DCDC2: variants seen among roughly 807,000 people sequenced by gnomAD.
DCDC2 encodes the protein doublecortin domain containing 2.
A neutral mutation model predicts 50.2 loss-of-function variants in DCDC2; 40 were observed. The ratio of observed to expected loss-of-function variants is 0.80; its 90% CI spans 0.62 to 1.04. DCDC2 has a LOEUF of 1.04. DCDC2 is among the 50% of genes least tolerant of loss of function. The pLI, the probability that DCDC2 is intolerant of heterozygous loss-of-function variation, is 0.00. For missense variants in DCDC2, 570 were observed against 581.9 expected (o/e 0.98, Z 0.21); for synonymous variants, 234 against 210.6 (o/e 1.11, Z -0.96).
chr6:24,251,603 G>A (rs1762795486), intron 7 of DCDC2, among the ~76,000 whole-genome samples: 1 of 152,076 alleles, frequency 6.6e-6, no homozygotes, highest in Non-Finnish European at 1.5e-5. Context: ...CTGCACCATG[G>A]CTTCAGCTCT....
At chr6:24,265,522 AG>A (rs1763099896) in intron 7 of DCDC2, among the ~76,000 whole-genome samples, 1 of 151,088 alleles carries the variant, frequency 6.6e-6, no homozygotes, top group Non-Finnish European at 1.5e-5. Flanking sequence ...TCACAAAACA[AG>A]TTTTAAAAAA....
At chr6:24,288,965 C>G in intron 5 of DCDC2, 59 bp from the exon 6 acceptor site, 2 of 1,315,490 alleles carry the variant, frequency 1.5e-6, no homozygotes, top group South Asian at 1.4e-5. Flanking sequence ...ATGTACAATG[C>G]AAGATAATTA....
At chr6:24,213,323 A>C (rs1761912329) in intron 7 of DCDC2, among the ~76,000 whole-genome samples, 1 of 152,198 alleles carries the variant, frequency 6.6e-6, no homozygotes, top group African/African-American at 2.4e-5. Context: ...ACTGCCTATC[A>C]TAATAAAAAT....
At chr6:24,184,533 T>C (rs954763778) in intron 8 of DCDC2, among the ~76,000 whole-genome samples, 1 of 151,502 alleles carries the variant, frequency 6.6e-6, no homozygotes, top group Non-Finnish European at 1.5e-5. Context: ...ATTGCACCAC[T>C]GCACTCCAGC....
At position 24,302,190 on chromosome 6, in the gene DCDC2, A is replaced by C; in HGVS notation, c.349-146T>G. On this transcript the variant is annotated intron_variant, in intron 2 of 9. Transcript: ENST00000378454. ...CTTGCTTTTCTCAGCATTTCTGTAA[A>C]CTCTGAGCTCACCCTTTAGCAATAT... 4.6e-6 allele frequency: 3 copies of C among 656,024 alleles called. 1 individual carries two copies. In the South Asian group the frequency reaches 6.5e-5, roughly 14 times the overall value. The allele number at this position is 656,024 out of a possible 1,614,324, so 40.6% of individuals were successfully genotyped here.
intron 7 of DCDC2, among the ~76,000 whole-genome samples, chr6:24,206,390 G>A (rs111570952): frequency 1.1e-4 from 16 of 152,044 alleles, no homozygotes; most frequent in African/African-American, 3.6e-4. Context: ...AGGAAGGAAG[G>A]AAACAGGAAG....
intron 7 of DCDC2, among the ~76,000 whole-genome samples, chr6:24,257,417 G>C (rs917269381): frequency 2.0e-5 from 3 of 152,256 alleles, no homozygotes; most frequent in Middle Eastern, 3.4e-3. Flanking sequence ...CACCAGTGGA[G>C]AGAAAGGGCA....
intron 8 of DCDC2, among the ~76,000 whole-genome samples, chr6:24,180,617 G>A (rs1372731635): frequency 1.3e-5 from 2 of 151,952 alleles, no homozygotes; most frequent in Non-Finnish European, 2.9e-5. Flanking sequence ...AGGGTAGAAT[G>A]ATTTATTTGG....
chr6:24,288,715 T>C (rs761667157), intron 6 of DCDC2, 137 bp downstream of exon 6: 3 of 717,458 alleles, frequency 4.2e-6, no homozygotes, highest in Non-Finnish European at 7.3e-6. Flanking sequence ...AAAGTTCTAG[T>C]GCTGTTTCAC....
At chr6:24,181,789 T>C (rs1195910090) in intron 8 of DCDC2, among the ~76,000 whole-genome samples, 1 of 152,230 alleles carries the variant, frequency 6.6e-6, no homozygotes, top group African/African-American at 2.4e-5. Context: ...CAATCCCTGT[T>C]GTTTTTTACG....
At chr6:24,189,482 C>T (rs1024973419) in intron 8 of DCDC2, among the ~76,000 whole-genome samples, 2 of 152,118 alleles carry the variant, frequency 1.3e-5, no homozygotes, top group African/African-American at 4.8e-5. Flanking sequence ...CTGACAGTAA[C>T]AGCAGCAACA....
chr6:24,198,758 G>A (rs1761507013), intron 8 of DCDC2, among the ~76,000 whole-genome samples: 1 of 152,198 alleles, frequency 6.6e-6, no homozygotes, highest in African/African-American at 2.4e-5. Context: ...AGATCTACTG[G>A]CTTGAAATTC....
intron 6 of DCDC2, among the ~76,000 whole-genome samples, chr6:24,282,623 A>C (rs1202266884): frequency 6.6e-6 from 1 of 152,150 alleles, no homozygotes; most frequent in African/African-American, 2.4e-5. Flanking sequence ...CATTAGCATA[A>C]AAACTCATTT....
At chr6:24,190,949 C>T (rs1405534272) in intron 8 of DCDC2, among the ~76,000 whole-genome samples, 1 of 152,160 alleles carries the variant, frequency 6.6e-6, no homozygotes, top group African/African-American at 2.4e-5. Context: ...CACTTCTCTT[C>T]TTTAAGATGT....
At chr6:24,194,195 G>A (rs1581578972) in intron 8 of DCDC2, among the ~76,000 whole-genome samples, 1 of 151,966 alleles carries the variant, frequency 6.6e-6, no homozygotes, top group South Asian at 2.1e-4. Flanking sequence ...GTGGCAAATG[G>A]CTGCTATTTT....
chr6:24,191,156 T>C (rs1380129228), intron 8 of DCDC2, among the ~76,000 whole-genome samples: 5 of 152,202 alleles, frequency 3.3e-5, no homozygotes, highest in Admixed American at 6.5e-5. Context: ...TTGAAGTCGA[T>C]TTGGGGAACC....
At chr6:24,314,906 T>C (rs1415592854) in intron 2 of DCDC2, among the ~76,000 whole-genome samples, 3 of 152,288 alleles carry the variant, frequency 2.0e-5, no homozygotes, top group Non-Finnish European at 2.9e-5. Flanking sequence ...TGTCCTGTCC[T>C]TAACCAAAAC....
intron 2 of DCDC2, among the ~76,000 whole-genome samples, chr6:24,308,316 T>C (rs1304228796): frequency 1.3e-5 from 2 of 152,198 alleles, no homozygotes; most frequent in African/African-American, 4.8e-5. Context: ...AAGCCCTGAT[T>C]TCACCCTCAA....
chr6:24,253,779 A>G (rs1047181842), intron 7 of DCDC2, among the ~76,000 whole-genome samples: 5 of 152,206 alleles, frequency 3.3e-5, no homozygotes, highest in Non-Finnish European at 5.9e-5. Flanking sequence ...GCTCTGGGTG[A>G]GTCAGTGAGT....
Sources: allele counts gnomAD v4.1 joint callset (sites outside exome capture counted in the v4.1 genomes callset), GRCh38; gene constraint gnomAD v4.1.1; transcripts MANE v1.5; gene names NCBI Gene and HGNC (gene_info 2026-07-23, HGNC 2026-07-21).